Variants in KCNIP4 observed in about 807,000 individuals in gnomAD.
KCNIP4 encodes the protein potassium voltage-gated channel interacting protein 4, also known as Kv channel-interacting protein 4.
Under a neutral mutation model 34.0 loss-of-function variants are expected in KCNIP4, and 12 were observed. The ratio of observed to expected loss-of-function variants is 0.35; its 90% CI spans 0.23 to 0.57. KCNIP4 has a LOEUF of 0.57. Ranked by LOEUF, KCNIP4 falls within the 20% of genes least tolerant of loss-of-function variation. KCNIP4 has a pLI of 0.83. For missense variants in KCNIP4, 238 were observed against 311.7 expected (o/e 0.76, Z 1.78); for synonymous variants, 124 against 102.2 (o/e 1.21, Z -1.29).
At chr4:21,414,800 T>C (rs1424946752) in intron 1 of KCNIP4, among the ~76,000 whole-genome samples, 1 of 152,166 alleles carries the variant, frequency 6.6e-6, no homozygotes, top group African/African-American at 2.4e-5. Context: ...TTTAATTTTT[T>C]TTCTTTTTTG....
intron 1 of KCNIP4, among the ~76,000 whole-genome samples, chr4:21,205,552 A>G (rs2108964291): frequency 6.6e-6 from 1 of 152,314 alleles, no homozygotes; most frequent in South Asian, 2.1e-4. Flanking sequence ...TTCTACTAAG[A>G]ATGTAGCTTG....
At chr4:21,735,814 A>G (rs1577919714) in intron 1 of KCNIP4, among the ~76,000 whole-genome samples, 1 of 152,292 alleles carries the variant, frequency 6.6e-6, no homozygotes. Flanking sequence ...AACACCTTTG[A>G]AGTTATCCTA....
At chr4:21,336,290 A>T (rs1172780328) in intron 1 of KCNIP4, among the ~76,000 whole-genome samples, 1 of 152,100 alleles carries the variant, frequency 6.6e-6, no homozygotes, top group African/African-American at 2.4e-5. Flanking sequence ...CAAACACTTT[A>T]GCTGTAAACA....
At chr4:20,966,432 G>A (rs1373169952) in intron 1 of KCNIP4, among the ~76,000 whole-genome samples, 2 of 152,092 alleles carry the variant, frequency 1.3e-5, no homozygotes, top group African/African-American at 4.8e-5. Flanking sequence ...CTTAGTGTAT[G>A]TCTTCACTTA....
chr4:21,301,893 C>T (rs949135005), intron 1 of KCNIP4, among the ~76,000 whole-genome samples: 2 of 152,174 alleles, frequency 1.3e-5, no homozygotes, highest in African/African-American at 4.8e-5. Flanking sequence ...CTTATACAGA[C>T]TTCCAAATGA....
rs1292989945 is a variant in KCNIP4, at chr4:20,886,055, C to A, written c.62-3346G>T. ...ATTAAAACAATTCATGATACAATTA[C>A]ATATTTGACACGTCTTCCCTACTGA... On this transcript the variant is annotated intron_variant, in intron 1 of 8. Transcript: ENST00000382152. 2.0e-5 allele frequency among the ~76,000 whole-genome samples: 3 copies of A among 152,162 alleles called. No individual in the cohort carries two copies. The East Asian group carries it at 5.8e-4, about 29-fold the overall frequency.
chr4:21,436,773 A>T (rs1285895819), intron 1 of KCNIP4, among the ~76,000 whole-genome samples: 1 of 152,222 alleles, frequency 6.6e-6, no homozygotes, highest in African/African-American at 2.4e-5. Flanking sequence ...GGCCCAGATC[A>T]ATTATCCAAT....
At chr4:21,943,104 G>A (rs527840460) in intron 1 of KCNIP4, among the ~76,000 whole-genome samples, 2 of 152,194 alleles carry the variant, frequency 1.3e-5, no homozygotes, top group East Asian at 1.9e-4. Context: ...GCTTACTAGA[G>A]GTACAAAAAT....
chr4:21,824,543 A>G (rs1722558297), intron 1 of KCNIP4, among the ~76,000 whole-genome samples: 1 of 152,074 alleles, frequency 6.6e-6, no homozygotes, highest in Non-Finnish European at 1.5e-5. Context: ...AGCAAGAAAA[A>G]TCCACTTGGA....
intron 3 of KCNIP4, among the ~76,000 whole-genome samples, chr4:20,841,977 C>G (rs1412713998): frequency 1.3e-5 from 2 of 152,090 alleles, no homozygotes; most frequent in Non-Finnish European, 2.9e-5. Flanking sequence ...TTCCCTTTCT[C>G]TAGCCGCCCC....
chr4:21,724,039 T>C (rs1715013718), intron 1 of KCNIP4, among the ~76,000 whole-genome samples: 2 of 152,078 alleles, frequency 1.3e-5, no homozygotes, highest in Non-Finnish European at 1.5e-5. Context: ...GAGAATGCCA[T>C]ATGAGTTGGA....
intron 1 of KCNIP4, among the ~76,000 whole-genome samples, chr4:20,938,739 T>C (rs980276): frequency 0.67 from 101,572 of 152,028 alleles, 34,471 homozygotes; most frequent in East Asian, 0.77. Flanking sequence ...AAACAACACC[T>C]CTTACATATT....
intron 3 of KCNIP4, among the ~76,000 whole-genome samples, chr4:20,767,630 C>G (rs901645426): frequency 1.6e-4 from 25 of 152,150 alleles, no homozygotes; most frequent in African/African-American, 6.0e-4. Context: ...GTATGCAAAT[C>G]ACAGGTATAA....
At chr4:20,810,104 C>T (rs1478685132) in intron 3 of KCNIP4, among the ~76,000 whole-genome samples, 3 of 152,180 alleles carry the variant, frequency 2.0e-5, no homozygotes, top group African/African-American at 7.2e-5. Flanking sequence ...CAACTGGGGC[C>T]AGTGTGCTTC....
intron 1 of KCNIP4, among the ~76,000 whole-genome samples, chr4:21,805,609 C>G (rs945653881): frequency 6.6e-6 from 1 of 152,134 alleles, no homozygotes; most frequent in Non-Finnish European, 1.5e-5. Context: ...GTCCACCTAA[C>G]AGGAACCCGA....
chr4:20,784,818 A>T (rs1465072332), intron 3 of KCNIP4, among the ~76,000 whole-genome samples: 1 of 152,148 alleles, frequency 6.6e-6, no homozygotes, highest in Non-Finnish European at 1.5e-5. Flanking sequence ...TGATGTGTGC[A>T]TTACGGTTCA....
intron 1 of KCNIP4, among the ~76,000 whole-genome samples, chr4:21,006,381 TC>T (rs1738560248): frequency 6.6e-6 from 1 of 152,116 alleles, no homozygotes; most frequent in African/African-American, 2.4e-5. Context: ...TTCTTCCCAT[TC>T]TTGTAAAATT....
intron 1 of KCNIP4, among the ~76,000 whole-genome samples, chr4:21,242,289 C>T (rs1023776308): frequency 4.7e-5 from 7 of 150,388 alleles, no homozygotes; most frequent in Non-Finnish European, 8.9e-5. Flanking sequence ...CCCAAAACAA[C>T]ACTCCAAACA....
At chr4:21,855,059 A>G (rs1724664422) in intron 1 of KCNIP4, among the ~76,000 whole-genome samples, 3 of 152,288 alleles carry the variant, frequency 2.0e-5, no homozygotes, top group East Asian at 1.9e-4. Context: ...ACTAGAGATG[A>G]CAGATACTCC....
Sources: gnomAD v4.1 joint callset for allele counts (sites outside exome capture counted in the v4.1 genomes callset) on GRCh38, gnomAD v4.1.1 for gene constraint, MANE v1.5 for transcripts, NCBI Gene and HGNC (gene_info 2026-07-23, HGNC 2026-07-21) for gene names.